Variants in RGS7 observed in about 807,000 individuals in gnomAD.
The protein encoded by RGS7 is regulator of G protein signaling 7, also known as regulator of G-protein signaling 7.
A neutral mutation model predicts 81.1 loss-of-function variants in RGS7; 27 were observed. That is an observed-to-expected ratio of 0.33 (90% CI 0.25 to 0.46). The LOEUF is 0.46. Among genes scored for constraint, RGS7 ranks in the 20% least tolerant of loss-of-function variants. RGS7 has a pLI of 1.00. For synonymous variants in RGS7, 208 were observed against 207.7 expected (o/e 1.00, Z -0.01); for missense variants, 396 against 607.4 (o/e 0.65, Z 3.66).
chr1:241,081,966 T>A (rs1183607463), intron 3 of RGS7, among the ~76,000 whole-genome samples: 1 of 152,192 alleles, frequency 6.6e-6, no homozygotes, highest in Admixed American at 6.5e-5. Context: ...AAGGATAGCA[T>A]AATAGAACCA....
intron 2 of RGS7, among the ~76,000 whole-genome samples, chr1:241,240,532 C>T (rs2076212241): frequency 1.3e-5 from 2 of 152,136 alleles, no homozygotes; most frequent in Admixed American, 6.5e-5. Flanking sequence ...AACTAGGTTG[C>T]CGCTTCTAAG....
At chr1:240,858,272 T>C (rs1476033740) in intron 9 of RGS7, among the ~76,000 whole-genome samples, 1 of 152,206 alleles carries the variant, frequency 6.6e-6, no homozygotes, top group Non-Finnish European at 1.5e-5. Flanking sequence ...GGGAATGCTA[T>C]ATTGTATAGT....
chr1:241,210,837 T>G (rs2074202884), intron 2 of RGS7, among the ~76,000 whole-genome samples: 1 of 152,222 alleles, frequency 6.6e-6, no homozygotes, highest in African/African-American at 2.4e-5. Context: ...CCTCCCCGGA[T>G]CTCTACTCTG....
At chr1:240,824,422 G>C (rs1399796693) in intron 10 of RGS7, among the ~76,000 whole-genome samples, 3 of 152,202 alleles carry the variant, frequency 2.0e-5, no homozygotes, top group Non-Finnish European at 2.9e-5. Context: ...GATGGAGGCC[G>C]ACCACACAGC....
intron 18 of RGS7, among the ~76,000 whole-genome samples, chr1:240,793,721 T>C (rs538955707): frequency 6.6e-6 from 1 of 150,646 alleles, no homozygotes; most frequent in African/African-American, 2.5e-5. Context: ...GCCATTCTCC[T>C]GCCTCAGCCT....
At chr1:241,003,710 G>A (rs785539) in intron 3 of RGS7, among the ~76,000 whole-genome samples, 26,065 of 152,042 alleles carry the variant, frequency 0.17, 2,511 homozygotes, top group Middle Eastern at 0.3. Flanking sequence ...TCCTGTATCT[G>A]CCTCCAGCAA....
intron 2 of RGS7, among the ~76,000 whole-genome samples, chr1:241,242,116 C>T (rs578234656): frequency 1.3e-5 from 2 of 152,126 alleles, no homozygotes; most frequent in African/African-American, 4.8e-5. Flanking sequence ...CACCCTTTCC[C>T]CTGAGTCCCC....
intron 9 of RGS7, among the ~76,000 whole-genome samples, chr1:240,839,920 C>T (rs796786): frequency 0.61 from 92,963 of 151,848 alleles, 28,551 homozygotes; most frequent in African/African-American, 0.62. Context: ...GGAGGCATCA[C>T]TAAGCCCTCT....
At chr1:241,230,437 C>A (rs2075589588) in intron 2 of RGS7, among the ~76,000 whole-genome samples, 1 of 152,124 alleles carries the variant, frequency 6.6e-6, no homozygotes, top group South Asian at 2.1e-4. Flanking sequence ...TGGTCCTGAA[C>A]TCCTGACCTC....
intron 6 of RGS7, among the ~76,000 whole-genome samples, chr1:240,901,074 G>T (rs998957124): frequency 2.0e-5 from 3 of 152,218 alleles, no homozygotes; most frequent in Non-Finnish European, 4.4e-5. Flanking sequence ...AGGCTCCGTG[G>T]GTGTGGGACC....
chr1:241,095,176 C>T (rs2064162645), intron 3 of RGS7, among the ~76,000 whole-genome samples: 3 of 152,120 alleles, frequency 2.0e-5, no homozygotes, highest in African/African-American at 7.2e-5. Flanking sequence ...CAAGCATGCT[C>T]CCCGGAGCTG....
At chr1:241,332,582 C>G (rs1173735926) in intron 2 of RGS7, among the ~76,000 whole-genome samples, 1 of 152,158 alleles carries the variant, frequency 6.6e-6, no homozygotes, top group East Asian at 1.9e-4. Flanking sequence ...ACTTCCGCGG[C>G]CCCTTCACCA....
chr1:241,356,253 T>A (rs943361860), intron 1 of RGS7, among the ~76,000 whole-genome samples: 2 of 152,050 alleles, frequency 1.3e-5, no homozygotes, highest in East Asian at 3.9e-4. Context: ...GTTAGCACAC[T>A]TTCTCCTAGG....
intron 6 of RGS7, among the ~76,000 whole-genome samples, chr1:240,922,581 C>A (rs144504360): frequency 1.9e-3 from 289 of 152,122 alleles, no homozygotes; most frequent in African/African-American, 6.3e-3. Flanking sequence ...GAAAACTCAA[C>A]AAAGAAGACG....
rs988833486 is a variant in RGS7 at position 240,862,235 on chromosome 1, G to T, written c.609+6352C>A. ...TTAAGTACTAGAATGATTATTCTGT[G>T]TCAATCCGACCTAAAAGTGACCTCA... On this transcript the variant is annotated intron_variant, in intron 9 of 18. Transcript: ENST00000440928. 3.9e-5 allele frequency among the ~76,000 whole-genome samples: 6 copies of T among 152,130 alleles called. No individual in the cohort carries two copies. In the South Asian group the frequency reaches 1.0e-3, roughly 26 times the overall value.
At chr1:241,171,528 C>A (rs2070734028) in intron 2 of RGS7, among the ~76,000 whole-genome samples, 1 of 152,144 alleles carries the variant, frequency 6.6e-6, no homozygotes, top group African/African-American at 2.4e-5. Context: ...AATAAAATGG[C>A]AGACAGTTTA....
At chr1:240,867,821 C>A (rs1663586785) in intron 9 of RGS7, among the ~76,000 whole-genome samples, 1 of 151,844 alleles carries the variant, frequency 6.6e-6, no homozygotes, top group South Asian at 2.1e-4. Flanking sequence ...GGCACCATGG[C>A]AAAACTCCAT....
chr1:241,338,285 A>G (rs1272078813), intron 2 of RGS7, among the ~76,000 whole-genome samples: 1 of 152,202 alleles, frequency 6.6e-6, no homozygotes, highest in Non-Finnish European at 1.5e-5. Flanking sequence ...AAACCAAATG[A>G]TTCTAAACAT....
intron 13 of RGS7, 23 bp downstream of exon 13, chr1:240,813,595 G>T: frequency 7.1e-7 from 1 of 1,403,946 alleles, no homozygotes; most frequent in South Asian, 1.2e-5. Context: ...ACATATGGGC[G>T]AGAAAGATAA....
Sources: gnomAD v4.1 joint callset for allele counts (sites outside exome capture counted in the v4.1 genomes callset) on GRCh38, gnomAD v4.1.1 for gene constraint, MANE v1.5 for transcripts, NCBI Gene and HGNC (gene_info 2026-07-23, HGNC 2026-07-21) for gene names.